The following DNAAF1 variants were observed in gnomAD, a reference collection of about 807,000 sequenced individuals.
DNAAF1 encodes dynein axonemal assembly factor 1, also known as dynein assembly factor 1, axonemal.
In DNAAF1, 65 loss-of-function variants were observed where a neutral mutation model predicts 71.1. That is an observed-to-expected ratio of 0.91 (90% CI 0.75 to 1.12). DNAAF1 has a LOEUF of 1.12. Ranked by LOEUF, DNAAF1 falls within the 50% of genes most tolerant of loss-of-function variation. The pLI, the probability that DNAAF1 is intolerant of heterozygous loss-of-function variation, is 0.00. For missense variants in DNAAF1, 1,178 were observed against 899.8 expected, an observed-to-expected ratio of 1.31 and a Z score of -3.96; for synonymous variants, 414 against 354.6, an observed-to-expected ratio of 1.17 and a Z score of -1.88.
intron 6 of DNAAF1, among the ~76,000 whole-genome samples, chr16:84,162,874 G>A (rs989992285): frequency 1.2e-4 from 18 of 151,206 alleles, no homozygotes; most frequent in Admixed American, 2.6e-4. Context: ...CCTATTTCTC[G>A]CTCCCTGAAG....
chr16:84,169,065 C>A (rs1261159858), intron 7 of DNAAF1, among the ~76,000 whole-genome samples: 1 of 148,774 alleles, frequency 6.7e-6, no homozygotes. Flanking sequence ...TAATGAACAT[C>A]CCTCAAGGAT....
At chr16:84,156,623 GC>G (rs372579312) in intron 5 of DNAAF1, among the ~76,000 whole-genome samples, 167 of 152,238 alleles carry the variant, frequency 1.1e-3, no homozygotes, top group African/African-American at 3.9e-3. Flanking sequence ...GATGAACATT[GC>G]CTAGATTAAT....
chr16:84,173,828 G>C (rs2088509235), intron 9 of DNAAF1: 1 of 152,612 alleles, frequency 6.6e-6, no homozygotes, highest in Non-Finnish European at 1.5e-5. Context: ...CTGCACTCCA[G>C]CCTGGGCAAC....
intron 5 of DNAAF1, among the ~76,000 whole-genome samples, chr16:84,159,434 GAGATCTA>G (rs2151233830): frequency 6.6e-6 from 1 of 152,344 alleles, no homozygotes; most frequent in African/African-American, 2.4e-5. Flanking sequence ...GAGGGACGAT[GAGATCTA>G]AGATCTGAAG....
chr16:84,158,460 G>A (rs547736509), intron 5 of DNAAF1, among the ~76,000 whole-genome samples: 9 of 152,182 alleles, frequency 5.9e-5, no homozygotes, highest in South Asian at 2.1e-4. Context: ...CAACTTCATC[G>A]TGGTTTTAAA....
chr16:84,167,510 G>T (rs772766655), intron 7 of DNAAF1, among the ~76,000 whole-genome samples: 2 of 152,090 alleles, frequency 1.3e-5, no homozygotes, highest in Admixed American at 1.3e-4. Context: ...CCCAAGAGCC[G>T]CCCCATTCGA....
chr16:84,169,813 C>T (rs373054096), intron 7 of DNAAF1, 46 bp from the exon 8 acceptor site: 28 of 1,611,976 alleles, frequency 1.7e-5, no homozygotes, highest in Non-Finnish European at 2.3e-5. Flanking sequence ...ACACCCTTGT[C>T]CTCCCAGGAC....
intron 1 of DNAAF1, 94 bp downstream of exon 1, chr16:84,145,658 G>A: frequency 1.4e-6 from 2 of 1,413,572 alleles, no homozygotes; most frequent in Non-Finnish European, 1.9e-6. Flanking sequence ...GATCTTCACA[G>A]CCAAATAATA....
intron 6 of DNAAF1, among the ~76,000 whole-genome samples, chr16:84,160,290 T>G (rs906103617): frequency 2.6e-5 from 4 of 152,242 alleles, no homozygotes; most frequent in Non-Finnish European, 5.9e-5. Flanking sequence ...TGGACACTTA[T>G]AGTTCCTCCT....
chr16:84,165,883 G>C lies in DNAAF1; in HGVS notation c.964G>C (p.Glu322Gln), dbSNP rs202194020. 21 of 1,613,556 alleles carry C rather than the reference G, an allele frequency of 1.3e-5. No homozygotes were observed. Reference sequence around the variant, plus strand: ...GCGGAAGAAGATCACAGACAGCATTGAAGCCTTGGCCATGATCAAGCAGCG... The same window carrying C: ...GCGGAAGAAGATCACAGACAGCATTCAAGCCTTGGCCATGATCAAGCAGCG... Reference protein sequence around the residue: ...RERKKITDSIEALAMIKQRAE... With the variant: ...RERKKITDSIQALAMIKQRAE... Residue 322 changes from glutamate to glutamine, a missense_variant, in exon 7 of 12, where the codon GAA becomes CAA. Physicochemically the swap from Glu to Gln is conservative, Grantham distance 29. Coordinates refer to ENST00000378553, the MANE Select transcript of DNAAF1 (RefSeq NM_178452.6).
Position 84,177,698 on chromosome 16 carries a change from G to A in DNAAF1, c.2066-31G>A, listed in dbSNP as rs375662053. The A allele has an allele frequency of 5.0e-6, 8 of 1,588,448 alleles. No individual in the cohort carries two copies. The African/African-American group carries it at 9.4e-5, about 19-fold the overall frequency. ...CTGTCCTTGCAGTCACAGTGACAGG[G>A]AGAAAGCACAGGTCACCCTTCCTTC... On this transcript the variant is annotated intron_variant, in intron 11 of 11. Coordinates refer to ENST00000378553, the MANE Select transcript of DNAAF1 (RefSeq NM_178452.6).
intron 9 of DNAAF1, chr16:84,173,636 C>G: frequency 2.0e-6 from 1 of 493,278 alleles, no homozygotes; most frequent in Non-Finnish European, 2.6e-6. Context: ...GAGTTTGAGA[C>G]CAGCCTGGCC....
intron 1 of DNAAF1, among the ~76,000 whole-genome samples, chr16:84,147,920 T>C (rs2086990012): frequency 2.0e-5 from 3 of 152,106 alleles, no homozygotes; most frequent in African/African-American, 7.2e-5. Context: ...ACAAAAAAAT[T>C]AGCTAGGCAT....
intron 1 of DNAAF1, 55 bp from the exon 2 acceptor site, chr16:84,148,952 G>T: frequency 6.2e-7 from 1 of 1,600,634 alleles, no homozygotes; most frequent in South Asian, 1.1e-5. Flanking sequence ...GAAGTTGGGG[G>T]TATTTTTTGG....
chr16:84,153,511 C>T (rs1004547930), intron 3 of DNAAF1, among the ~76,000 whole-genome samples: 6 of 152,108 alleles, frequency 3.9e-5, no homozygotes, highest in Admixed American at 6.5e-5. Context: ...TTAAATATTA[C>T]TTGTGCTTAT....
In DNAAF1 at chr16:84,165,907, C is replaced by T. The variant is rs112191420; in HGVS notation, c.988C>T (p.Arg330Trp). Residue 330 changes from arginine to tryptophan, a missense_variant, in exon 7 of 12, where the codon CGG (arginine) becomes TGG (tryptophan). By Grantham distance (101) the Arg-to-Trp change is moderately radical. Transcript: ENST00000378553. ...SIEALAMIKQ[R>W]AEERKRQRES... ...TGAAGCCTTGGCCATGATCAAGCAG[C>T]GGGCAGAGGAGAGGAAAAGACAGAG... 2.3e-5 allele frequency: 37 copies of T among 1,613,042 alleles called. No homozygotes were observed. Among genetic ancestry groups the T allele is most frequent in the African/African-American group, 4.0e-5 (3 of 74,558 alleles).
At chr16:84,158,010 T>A (rs7189262) in intron 5 of DNAAF1, among the ~76,000 whole-genome samples, 3,670 of 152,164 alleles carry the variant, frequency 0.024, 52 homozygotes, top group Non-Finnish European at 0.029. Flanking sequence ...GATCGAGACC[T>A]TCCTGGCTAA....
At chr16:84,159,194 C>T (rs2151233049) in intron 5 of DNAAF1, 1 of 1,011,378 alleles carries the variant, frequency 9.9e-7, no homozygotes, top group South Asian at 4.0e-5. Context: ...GCCGTCCATC[C>T]TGCGGCACTC....
intron 6 of DNAAF1, among the ~76,000 whole-genome samples, chr16:84,164,016 G>T (rs1291717948): frequency 6.6e-6 from 1 of 152,094 alleles, no homozygotes; most frequent in Non-Finnish European, 1.5e-5. Context: ...TGTTGCCCAG[G>T]CTGGTCTGGA....
Sources: gnomAD v4.1 joint callset for allele counts (sites outside exome capture counted in the v4.1 genomes callset) on GRCh38, gnomAD v4.1.1 for gene constraint, MANE v1.5 for transcripts, NCBI Gene and HGNC (gene_info 2026-07-23, HGNC 2026-07-21) for gene names.